The following NBAS variants were observed in gnomAD, a reference collection of about 807,000 sequenced individuals.
NBAS encodes NAG/BC035112 fusion.
A neutral mutation model predicts 302.5 loss-of-function variants in NBAS; 219 were observed. The ratio of observed to expected loss-of-function variants is 0.72; its 90% CI spans 0.65 to 0.81. The LOEUF is 0.81. NBAS is among the 30% of genes least tolerant of loss of function. The pLI, the probability that NBAS is intolerant of heterozygous loss-of-function variation, is 0.00. For missense variants in NBAS, 2,932 were observed against 2,841.6 expected, an observed-to-expected ratio of 1.03 and a Z score of -0.72; for synonymous variants, 1,118 against 1,021.6, an observed-to-expected ratio of 1.09 and a Z score of -1.80.
chr2:15,128,500 C>T, the NBAS span, among the ~76,000 whole-genome samples: 4 of 152,136 alleles, frequency 2.6e-5, no homozygotes, highest in Non-Finnish European at 5.9e-5. Context: ...CTTGCCAAAA[C>T]AGCTGGAAAT....
intron 48 of NBAS, among the ~76,000 whole-genome samples, chr2:15,201,916 AAG>A (rs1385255763): frequency 6.6e-6 from 1 of 152,220 alleles, no homozygotes; most frequent in African/African-American, 2.4e-5. Flanking sequence ...CCTGCACAGA[AAG>A]AGTGTCCTGA....
intron 1 of NBAS, among the ~76,000 whole-genome samples, chr2:15,560,029 G>T (rs901099198): frequency 9.2e-5 from 14 of 152,076 alleles, no homozygotes; most frequent in African/African-American, 3.4e-4. Flanking sequence ...GTGGGAAGGA[G>T]GCTACAGAGG....
At chr2:15,189,950 T>G (rs1665268366) in intron 49 of NBAS, among the ~76,000 whole-genome samples, 1 of 152,238 alleles carries the variant, frequency 6.6e-6, no homozygotes, top group Non-Finnish European at 1.5e-5. Context: ...GTTGGCACTG[T>G]AAGCCGTGTC....
chr2:15,102,254 C>T, the NBAS span, among the ~76,000 whole-genome samples: 486 of 152,124 alleles, frequency 3.2e-3, 4 homozygotes, highest in African/African-American at 0.011. Flanking sequence ...CAAGTGCAGG[C>T]GAAGTTTGGA....
chr2:15,183,199 T>G (rs1664911207), intron 50 of NBAS, among the ~76,000 whole-genome samples: 3 of 152,216 alleles, frequency 2.0e-5, no homozygotes, highest in Admixed American at 1.3e-4. Flanking sequence ...CCTTCCTCTG[T>G]AACACTTTCA....
intron 31 of NBAS, among the ~76,000 whole-genome samples, chr2:15,367,277 C>T (rs1674257743): frequency 6.6e-6 from 1 of 151,794 alleles, no homozygotes; most frequent in Non-Finnish European, 1.5e-5. Flanking sequence ...AAATGAAAAT[C>T]ACATTAAAAA....
chr2:15,052,161 T>C, the NBAS span, among the ~76,000 whole-genome samples: 7 of 152,194 alleles, frequency 4.6e-5, no homozygotes, highest in African/African-American at 7.2e-5. Context: ...AATCCCATGA[T>C]AGAAAATTAC....
chr2:14,980,507 T>C, the NBAS span, among the ~76,000 whole-genome samples: 2 of 152,156 alleles, frequency 1.3e-5, no homozygotes, highest in Non-Finnish European at 2.9e-5. Flanking sequence ...GGTAAAAGAC[T>C]TCTAATTTCT....
At chr2:15,456,536 G>A (rs1330198749) in intron 21 of NBAS, among the ~76,000 whole-genome samples, 2 of 152,184 alleles carry the variant, frequency 1.3e-5, no homozygotes, top group African/African-American at 4.8e-5. Flanking sequence ...CTACATTCGT[G>A]AACAAGAGGC....
the NBAS span, among the ~76,000 whole-genome samples, chr2:14,941,304 G>GC: frequency 3.9e-5 from 6 of 152,272 alleles, 1 homozygote; most frequent in African/African-American, 1.4e-4. Flanking sequence ...AGAAAGACAA[G>GC]CCTCTTTTCC....
At chr2:14,791,802 T>TAAATAAATA in the NBAS span, among the ~76,000 whole-genome samples, 1 of 107,626 alleles carries the variant, frequency 9.3e-6, no homozygotes, top group African/African-American at 4.7e-5. Context: ...AGACTCCATC[T>TAAATAAATA]CATAAATAAA....
chr2:15,550,886 C>T (rs1212727620), intron 6 of NBAS, among the ~76,000 whole-genome samples: 1 of 152,166 alleles, frequency 6.6e-6, no homozygotes, highest in Non-Finnish European at 1.5e-5. Context: ...TGCGTCCAGA[C>T]TACTCTTTCT....
intron 48 of NBAS, among the ~76,000 whole-genome samples, chr2:15,203,917 TGTGTGTGTGA>T (rs1167428153): frequency 6.7e-6 from 1 of 148,406 alleles, no homozygotes; most frequent in Non-Finnish European, 1.5e-5. Context: ...TGTGTGTGTG[TGTGTGTGTGA>T]GTGGGGAGGA....
chr2:15,299,821 A>G (rs1021188523), intron 40 of NBAS, among the ~76,000 whole-genome samples: 5 of 152,246 alleles, frequency 3.3e-5, no homozygotes, highest in Non-Finnish European at 7.3e-5. Flanking sequence ...AAATAGTTAT[A>G]TAAGTATGTA....
chr2:15,460,170 T>C (rs933010923), intron 21 of NBAS, among the ~76,000 whole-genome samples: 1 of 152,200 alleles, frequency 6.6e-6, no homozygotes, highest in African/African-American at 2.4e-5. Context: ...TTCCAGTAGC[T>C]GAAATTAGTA....
chr2:15,243,982 C>CA (rs1667976314), intron 44 of NBAS, among the ~76,000 whole-genome samples: 1 of 152,150 alleles, frequency 6.6e-6, no homozygotes, highest in South Asian at 2.1e-4. Flanking sequence ...TAAATTCTTT[C>CA]AATTGGACAA....
intron 9 of NBAS, among the ~76,000 whole-genome samples, chr2:15,527,363 A>G (rs1313179994): frequency 2.0e-5 from 3 of 152,200 alleles, no homozygotes; most frequent in Non-Finnish European, 4.4e-5. Context: ...TTGTACTACC[A>G]TAACAAAATA....
the NBAS span, among the ~76,000 whole-genome samples, chr2:14,853,743 T>C: frequency 2.7e-5 from 3 of 110,800 alleles, no homozygotes; most frequent in Admixed American, 1.7e-4. Flanking sequence ...TATGCTGCCA[T>C]AAAAAATGAT....
intron 35 of NBAS, among the ~76,000 whole-genome samples, chr2:15,344,842 G>T (rs770957121): frequency 2.4e-4 from 36 of 152,172 alleles, no homozygotes; most frequent in Non-Finnish European, 4.3e-4. Context: ...TCCCTGGGAT[G>T]CAAGGCTGGT....
Sources: gnomAD v4.1 joint callset for allele counts (sites outside exome capture counted in the v4.1 genomes callset) on GRCh38, gnomAD v4.1.1 for gene constraint, MANE v1.5 for transcripts, NCBI Gene and HGNC (gene_info 2026-07-23, HGNC 2026-07-21) for gene names.